LAMB4: variants seen among roughly 807,000 people sequenced by gnomAD.
The protein encoded by LAMB4 is laminin subunit beta 4, also known as laminin subunit beta-4.
Under a neutral mutation model 199.2 loss-of-function variants are expected in LAMB4, and 196 were observed. The observed-to-expected ratio is 0.98, with a 90% CI of 0.88 to 1.11. The LOEUF is 1.11. Among genes scored for constraint, LAMB4 ranks in the 50% least tolerant of loss-of-function variants. The pLI, the probability that LAMB4 is intolerant of heterozygous loss-of-function variation, is 0.00. For missense variants in LAMB4, 2,080 were observed against 2,171.2 expected (o/e 0.96, Z 0.83); for synonymous variants, 744 against 770.6 (o/e 0.97, Z 0.57).
chr7:108,032,697 T>C (rs1022038118), intron 31 of LAMB4, among the ~76,000 whole-genome samples: 12 of 107,992 alleles, frequency 1.1e-4, no homozygotes, highest in Non-Finnish European at 1.7e-4. Context: ...TGTGTTTGCG[T>C]GTGTGTGTGT....
Position 108,023,681 on chromosome 7 carries a change from T to C in LAMB4, c.*358A>G, listed in dbSNP as rs1047903275. 6.3e-6 allele frequency: 1 copy of C among 159,100 alleles called. No individual in the cohort carries two copies. Among genetic ancestry groups the C allele is most frequent in the Admixed American group, 6.4e-5 (1 of 15,506 alleles). 9.9% of individuals were successfully genotyped at this position (159,100 alleles called of 1,614,324 possible). A position where few individuals can be genotyped will look rare whatever the true frequency, so the allele number is the denominator to read the frequency against. ...GTATTCCATCCTAATATTGGAGATA[T>C]TTATTTAATGTTTAGGTTTATCTGA... On this transcript the variant is annotated 3_prime_UTR_variant, in exon 34 of 34. Coordinates refer to ENST00000388781, the MANE Select transcript of LAMB4 (RefSeq NM_007356.3).
chr7:108,093,365 G>A (rs541884271), intron 12 of LAMB4, among the ~76,000 whole-genome samples: 3 of 152,252 alleles, frequency 2.0e-5, no homozygotes, highest in East Asian at 1.9e-4. Context: ...AGGCTCGGCC[G>A]TGTAACTGCT....
At chr7:108,040,245 G>T (rs1447714547) in intron 29 of LAMB4, among the ~76,000 whole-genome samples, 2 of 152,042 alleles carry the variant, frequency 1.3e-5, no homozygotes, top group African/African-American at 4.8e-5. Context: ...AAAACACTGC[G>T]CAAAGAATCC....
chr7:108,030,776 G>A lies in LAMB4; in HGVS notation c.4992+30C>T, dbSNP rs759862241. On this transcript the variant is annotated intron_variant, in intron 32 of 33. Transcript: ENST00000388781. ...TCTTTCAAAGAAGCCCTGCTTTTCT[G>A]CTCTTGGTGGCAGTGGTAGAACTAA... 4 of 1,599,750 alleles carry A rather than the reference G, an allele frequency of 2.5e-6. No homozygotes were observed. The South Asian group carries it at 3.3e-5, about 13-fold the overall frequency.
At chr7:108,060,737 A>G (rs1048880085) in intron 23 of LAMB4, among the ~76,000 whole-genome samples, 2 of 152,242 alleles carry the variant, frequency 1.3e-5, no homozygotes, top group African/African-American at 4.8e-5. Context: ...ATAAATATCC[A>G]TGAGTCCATG....
chr7:108,094,588 T>TC (rs2037526840), intron 12 of LAMB4, among the ~76,000 whole-genome samples: 1 of 151,902 alleles, frequency 6.6e-6, no homozygotes, highest in African/African-American at 2.4e-5. Context: ...TTTTTTTTTT[T>TC]TCTCTCTAAA....
chr7:108,043,736 T>C lies in LAMB4; in HGVS notation c.4471+16A>G. The C allele has an allele frequency of 6.7e-7, 1 of 1,502,222 alleles. No individual in the cohort carries two copies. Among genetic ancestry groups the C allele is most frequent in the Non-Finnish European group, 9.1e-7 (1 of 1,096,498 alleles). 93.1% of individuals were successfully genotyped at this position (1,502,222 alleles called of 1,614,324 possible). ...AAAAAAACAAAAACTAGTCCTAATA[T>C]ATATTTTTAAATTACCTAACAAAAA... On this transcript the variant is annotated intron_variant, in intron 29 of 33. Transcript: ENST00000388781.
chr7:108,117,767 G>T (rs1396846927), intron 2 of LAMB4, among the ~76,000 whole-genome samples: 1 of 152,152 alleles, frequency 6.6e-6, no homozygotes, highest in Non-Finnish European at 1.5e-5. Context: ...CTAAACAAGG[G>T]GTGGATTACC....
intron 31 of LAMB4, among the ~76,000 whole-genome samples, chr7:108,033,385 T>A (rs1267960735): frequency 1.3e-5 from 2 of 152,130 alleles, no homozygotes; most frequent in Non-Finnish European, 2.9e-5. Flanking sequence ...TATTTCCTCG[T>A]GTATTACTTC....
In LAMB4 at chr7:108,069,863, T is replaced by G. The variant is rs749457193; in HGVS notation, c.2147A>C (p.Asn716Thr). 2 of 1,613,434 alleles carry G rather than the reference T, an allele frequency of 1.2e-6. No individual in the cohort carries two copies. The highest frequency in any genetic ancestry group is 1.7e-6 in the Non-Finnish European group (2 of 1,179,496). The change falls in exon 18 of 34, where the codon AAT (asparagine) becomes ACT (threonine). Residue 716 changes from asparagine (N) to threonine (T), a missense_variant. Physicochemically the swap from Asn to Thr is moderately conservative, Grantham distance 65. Transcript: ENST00000388781. ...CTTGCTGCAGAAATTCTCCAATGAA[T>G]TGATTTGGGGAATAAGGCCAAGCTT... The part of the protein sequence containing the change: ...VDSLGLIPQI[N>T]SLENFCSKQD...
At chr7:108,078,685 T>G (rs1442932111) in intron 15 of LAMB4, among the ~76,000 whole-genome samples, 2 of 152,178 alleles carry the variant, frequency 1.3e-5, no homozygotes, top group Non-Finnish European at 2.9e-5. Context: ...ATCTATATAC[T>G]GGGGAGATAT....
chr7:108,123,095 G>A (rs779293808), intron 2 of LAMB4, 36 bp downstream of exon 2: 24 of 1,576,666 alleles, frequency 1.5e-5, no homozygotes, highest in South Asian at 1.0e-4. Flanking sequence ...TTAGGACAGC[G>A]CAAGCAGTAA....
intron 28 of LAMB4, among the ~76,000 whole-genome samples, 153 bp from the exon 29 acceptor site, chr7:108,044,049 T>G (rs1322477933): frequency 1.3e-5 from 2 of 152,232 alleles, no homozygotes; most frequent in Non-Finnish European, 2.9e-5. Flanking sequence ...GCAAGGAATC[T>G]TTTACAAGGT....
At chr7:108,103,541 G>T (rs1019000260) in intron 9 of LAMB4, among the ~76,000 whole-genome samples, 1 of 152,228 alleles carries the variant, frequency 6.6e-6, no homozygotes, top group Non-Finnish European at 1.5e-5. Context: ...AATATTTGTG[G>T]TGTTCATTAA....
intron 10 of LAMB4, among the ~76,000 whole-genome samples, chr7:108,099,291 C>T (rs1163356684): frequency 1.3e-5 from 2 of 152,110 alleles, no homozygotes; most frequent in Non-Finnish European, 2.9e-5. Flanking sequence ...AAAGGAGCCA[C>T]AATGGTAGCA....
chr7:108,047,852 G>A, intron 28 of LAMB4, 56 bp downstream of exon 28: 2 of 1,403,528 alleles, frequency 1.4e-6, no homozygotes, highest in Non-Finnish European at 2.0e-6. Context: ...TAAATTTTAA[G>A]CAGTCTGCTT....
chr7:108,092,270 C>G, intron 13 of LAMB4, 67 bp downstream of exon 13: 1 of 1,201,990 alleles, frequency 8.3e-7, no homozygotes, highest in Admixed American at 1.8e-5. Flanking sequence ...TGACTATGAG[C>G]GTATCAGAAT....
At chr7:108,032,052 G>A (rs776985544) in intron 31 of LAMB4, among the ~76,000 whole-genome samples, 7 of 151,940 alleles carry the variant, frequency 4.6e-5, no homozygotes, top group Non-Finnish European at 1.0e-4. Flanking sequence ...TCTGTCTGTT[G>A]TGTCCTGATT....
At chr7:108,036,844 C>G (rs553338217) in intron 30 of LAMB4, among the ~76,000 whole-genome samples, 1 of 149,742 alleles carries the variant, frequency 6.7e-6, no homozygotes, top group African/African-American at 2.5e-5. Context: ...TGTTCCTCAT[C>G]ATTATATTGG....
Sources: allele counts gnomAD v4.1 joint callset (sites outside exome capture counted in the v4.1 genomes callset), GRCh38; gene constraint gnomAD v4.1.1; transcripts MANE v1.5; gene names NCBI Gene and HGNC (gene_info 2026-07-23, HGNC 2026-07-21).